The following TTC17 variants were observed in gnomAD, a reference collection of about 807,000 sequenced individuals.
TTC17 encodes the protein tetratricopeptide repeat protein 17.
In TTC17, 58 loss-of-function variants were observed where a neutral mutation model predicts 143.8. That is an observed-to-expected ratio of 0.40 (90% CI 0.33 to 0.50). The LOEUF is 0.50. Ranked by LOEUF, TTC17 falls within the 20% of genes least tolerant of loss-of-function variation. The pLI, the probability that TTC17 is intolerant of heterozygous loss-of-function variation, is 0.49. For missense variants in TTC17, 1,273 were observed against 1,392.5 expected, an observed-to-expected ratio of 0.91 and a Z score of 1.37; for synonymous variants, 501 against 497.8, an observed-to-expected ratio of 1.01 and a Z score of -0.09.
chr11:43,418,382 C>T (rs1946825074), intron 16 of TTC17, among the ~76,000 whole-genome samples: 1 of 152,038 alleles, frequency 6.6e-6, no homozygotes, highest in South Asian at 2.1e-4. Flanking sequence ...TTTTTACTTG[C>T]CCACTCTTGA....
chr11:43,378,155 G>A (rs1182685886), intron 1 of TTC17, among the ~76,000 whole-genome samples: 3 of 152,014 alleles, frequency 2.0e-5, no homozygotes, highest in Admixed American at 6.6e-5. Flanking sequence ...CACCTGCCTC[G>A]GCCTCCCAAA....
chr11:43,464,283 A>G (rs972347080), intron 21 of TTC17, among the ~76,000 whole-genome samples: 3 of 151,998 alleles, frequency 2.0e-5, no homozygotes, highest in Admixed American at 1.3e-4. Context: ...CCATCTCAAA[A>G]AAAAAAAAAA....
Position 43,362,319 on chromosome 11 carries a change from A to G in TTC17, c.159+3206A>G, listed in dbSNP as rs993524887. On this transcript the variant is annotated intron_variant, in intron 1 of 23. Coordinates refer to ENST00000039989, the MANE Select transcript of TTC17 (RefSeq NM_018259.6). The stretch of plus-strand genomic sequence containing the variant: ...CAGGCGTGAGCCGCTGTGCCCGGCC[A>G]TTATAACTTTTTAAGTACATCAAGG... Among the ~76,000 whole-genome samples the G allele has an allele frequency of 1.2e-4, 18 of 152,270 alleles. No individual in the cohort carries two copies. In the East Asian group the frequency reaches 1.7e-3, roughly 15 times the overall value.
intron 16 of TTC17, among the ~76,000 whole-genome samples, chr11:43,425,383 G>A (rs58624169): frequency 0.098 from 14,895 of 152,032 alleles, 2,478 homozygotes; most frequent in African/African-American, 0.34. Flanking sequence ...TTCTACGTTG[G>A]TAGAGTGGGC....
intron 21 of TTC17, among the ~76,000 whole-genome samples, chr11:43,475,857 GTA>G (rs1279768106): frequency 3.9e-5 from 6 of 152,270 alleles, no homozygotes; most frequent in African/African-American, 1.4e-4. Context: ...GATTCTAAGT[GTA>G]TGTATTGTGA....
At chr11:43,450,324 C>A in intron 20 of TTC17, 83 bp downstream of exon 20, 2 of 1,412,760 alleles carry the variant, frequency 1.4e-6, no homozygotes, top group South Asian at 1.6e-5. Context: ...CCCAGGTGAC[C>A]GGGCCTTTTA....
At chr11:43,404,187 A>G in intron 11 of TTC17, 43 bp downstream of exon 11, 2 of 1,574,488 alleles carry the variant, frequency 1.3e-6, no homozygotes, top group Non-Finnish European at 1.7e-6. Flanking sequence ...TCAAACTGGC[A>G]AGATCCATTA....
intron 15 of TTC17, 43 bp downstream of exon 15, chr11:43,407,620 G>C (rs1189487526): frequency 6.5e-7 from 1 of 1,532,364 alleles, no homozygotes; most frequent in East Asian, 2.3e-5. Flanking sequence ...ACTATGTAGG[G>C]TAACTCAAAT....
At chr11:43,368,382 T>G (rs1590307078) in intron 1 of TTC17, among the ~76,000 whole-genome samples, 1 of 152,170 alleles carries the variant, frequency 6.6e-6, no homozygotes, top group African/African-American at 2.4e-5. Context: ...TAAACTAAAC[T>G]CTTGATTTTC....
chr11:43,359,542 T>C (rs1856009955), intron 1 of TTC17, among the ~76,000 whole-genome samples: 2 of 152,224 alleles, frequency 1.3e-5, no homozygotes, highest in Non-Finnish European at 2.9e-5. Context: ...TCCCATGGTA[T>C]GACAGCTTCT....
chr11:43,432,994 T>G (rs1276000602), intron 16 of TTC17, among the ~76,000 whole-genome samples: 1 of 151,678 alleles, frequency 6.6e-6, no homozygotes, highest in Non-Finnish European at 1.5e-5. Context: ...TTTGGGTGTT[T>G]TGTTTTGTTT....
chr11:43,470,765 C>A (rs777580497), intron 21 of TTC17, among the ~76,000 whole-genome samples: 1 of 152,166 alleles, frequency 6.6e-6, no homozygotes, highest in Non-Finnish European at 1.5e-5. Flanking sequence ...CTTCCTAGCT[C>A]AGTAGCTTTA....
chr11:43,462,918 A>ATTTTTTTTTTTTTTTTTTTTTTTTT (rs1369564202), intron 21 of TTC17, among the ~76,000 whole-genome samples: 3 of 95,314 alleles, frequency 3.1e-5, no homozygotes, highest in African/African-American at 9.6e-5. Context: ...CAGTGACAAA[A>ATTTTTTTTTTTTTTTTTTTTTTTTT]TTCTTTTTTT....
At chr11:43,427,810 A>G (rs1947064382) in intron 16 of TTC17, among the ~76,000 whole-genome samples, 1 of 152,084 alleles carries the variant, frequency 6.6e-6, no homozygotes, top group African/African-American at 2.4e-5. Context: ...TTTCATCTGC[A>G]TACCCCAGCT....
At chr11:43,459,714 T>C (rs1947828904) in intron 21 of TTC17, among the ~76,000 whole-genome samples, 1 of 152,208 alleles carries the variant, frequency 6.6e-6, no homozygotes, top group African/African-American at 2.4e-5. Flanking sequence ...TTAGAATTCT[T>C]TTACTTTAGG....
chr11:43,379,677 AAAAG>A (rs1856891389), intron 2 of TTC17, among the ~76,000 whole-genome samples: 1 of 152,216 alleles, frequency 6.6e-6, no homozygotes, highest in South Asian at 2.1e-4. Context: ...ATAAAATATG[AAAAG>A]AAAGAAAGGT....
intron 23 of TTC17, among the ~76,000 whole-genome samples, chr11:43,492,836 A>G (rs1467624872): frequency 6.6e-6 from 1 of 152,104 alleles, no homozygotes; most frequent in Non-Finnish European, 1.5e-5. Flanking sequence ...TCCCAGGGGG[A>G]CCCCCTAAAA....
chr11:43,485,883 G>GTTTTTTTTTTTTTTTTTTTT, intron 21 of TTC17, among the ~76,000 whole-genome samples: 1 of 112,616 alleles, frequency 8.9e-6, no homozygotes, highest in Non-Finnish European at 1.8e-5. Context: ...TTGGTTTTTT[G>GTTTTTTTTTTTTTTTTTTTT]TTTTTTTTTT....
At chr11:43,451,148 C>A (rs1454991703) in intron 20 of TTC17, 34 bp from the exon 21 acceptor site, 50 of 1,602,842 alleles carry the variant, frequency 3.1e-5, no homozygotes, top group Non-Finnish European at 4.1e-5. Flanking sequence ...GCATCGTTTT[C>A]ATTCTTCTAA....
Sources: allele counts gnomAD v4.1 joint callset (sites outside exome capture counted in the v4.1 genomes callset), GRCh38; gene constraint gnomAD v4.1.1; transcripts MANE v1.5; gene names NCBI Gene and HGNC (gene_info 2026-07-23, HGNC 2026-07-21).